NLGN1: variants seen among roughly 807,000 people sequenced by gnomAD.
NLGN1 encodes neuroligin-1.
In NLGN1, 12 loss-of-function variants were observed where a neutral mutation model predicts 65.5. That is an observed-to-expected ratio of 0.18 (90% CI 0.12 to 0.30). The LOEUF is 0.30. Ranked by LOEUF, NLGN1 falls within the 10% of genes least tolerant of loss-of-function variation. The pLI, the probability that NLGN1 is intolerant of heterozygous loss-of-function variation, is 1.00. For missense variants in NLGN1, 750 were observed against 1,007.1 expected, an observed-to-expected ratio of 0.74 and a Z score of 3.46; for synonymous variants, 350 against 359.5, an observed-to-expected ratio of 0.97 and a Z score of 0.30.
chr3:173,778,596 G>T (rs1780670670), intron 3 of NLGN1, among the ~76,000 whole-genome samples: 1 of 151,616 alleles, frequency 6.6e-6, no homozygotes, highest in South Asian at 2.1e-4. Context: ...TTGTTTTTCT[G>T]CTTTAAAATT....
At chr3:173,616,634 C>T (rs918212335) in intron 3 of NLGN1, among the ~76,000 whole-genome samples, 1 of 152,128 alleles carries the variant, frequency 6.6e-6, no homozygotes, top group South Asian at 2.1e-4. Context: ...TTACTCCCGA[C>T]ATTCAGGACA....
intron 4 of NLGN1, among the ~76,000 whole-genome samples, chr3:174,212,610 C>T (rs1477268375): frequency 6.6e-6 from 1 of 152,238 alleles, no homozygotes; most frequent in Non-Finnish European, 1.5e-5. Flanking sequence ...CCTAAGGATG[C>T]ATCTCTCAGA....
At chr3:174,262,044 A>G (rs1577662399) in intron 4 of NLGN1, among the ~76,000 whole-genome samples, 2 of 131,816 alleles carry the variant, frequency 1.5e-5, no homozygotes, top group Admixed American at 7.6e-5. Flanking sequence ...CCACTTGATC[A>G]TGGTGGATAA....
intron 4 of NLGN1, among the ~76,000 whole-genome samples, chr3:174,010,680 AAAAACTTGAATTGGTG>A (rs1470900655): frequency 6.6e-6 from 1 of 152,204 alleles, no homozygotes; most frequent in Non-Finnish European, 1.5e-5. Flanking sequence ...ATGATGAATG[AAAAACTTGAATTGGTG>A]AATTAAAGTT....
chr3:174,123,930 G>A (rs1179168536), intron 4 of NLGN1, among the ~76,000 whole-genome samples: 2 of 152,064 alleles, frequency 1.3e-5, no homozygotes, highest in Non-Finnish European at 2.9e-5. Flanking sequence ...GGTCTGAATT[G>A]TGTTCTCTCA....
chr3:174,206,801 T>C (rs1553962793), intron 4 of NLGN1, among the ~76,000 whole-genome samples: 3 of 152,152 alleles, frequency 2.0e-5, no homozygotes, highest in Non-Finnish European at 4.4e-5. Flanking sequence ...GTGAAACTGA[T>C]AGACTCTTGG....
At chr3:173,807,543 A>C (rs1716929680) in intron 3 of NLGN1, 137 bp from the exon 4 acceptor site, 6 of 905,220 alleles carry the variant, frequency 6.6e-6, no homozygotes, top group Admixed American at 2.8e-5. Context: ...TTGCTTAAGA[A>C]ACACTTTAAT....
chr3:173,671,355 G>T (rs4426701), intron 3 of NLGN1, among the ~76,000 whole-genome samples: 17,341 of 152,076 alleles, frequency 0.11, 1,028 homozygotes, highest in Middle Eastern at 0.28. Context: ...TAAAAAATTA[G>T]TCTGTAGTCC....
At chr3:173,562,181 T>G (rs1484318364) in intron 2 of NLGN1, among the ~76,000 whole-genome samples, 1 of 152,046 alleles carries the variant, frequency 6.6e-6, no homozygotes, top group Non-Finnish European at 1.5e-5. Context: ...TAGAAGAGAG[T>G]AGCTTGAGCT....
chr3:173,443,332 T>TGC (rs1719567421), intron 2 of NLGN1, among the ~76,000 whole-genome samples: 1 of 142,968 alleles, frequency 7.0e-6, no homozygotes, highest in Non-Finnish European at 1.5e-5. Flanking sequence ...TATATATATA[T>TGC]ACACTATGAC....
intron 4 of NLGN1, among the ~76,000 whole-genome samples, chr3:174,132,537 T>C (rs1049369126): frequency 3.3e-5 from 5 of 152,148 alleles, no homozygotes; most frequent in African/African-American, 1.2e-4. Flanking sequence ...TTTCAGTCTG[T>C]TTATAACCTC....
intron 2 of NLGN1, among the ~76,000 whole-genome samples, chr3:173,514,344 A>G (rs1249796099): frequency 6.6e-6 from 1 of 152,114 alleles, no homozygotes; most frequent in Admixed American, 6.5e-5. Flanking sequence ...CAAGCAGTTT[A>G]CACTGTACCA....
At chr3:174,174,817 G>A (rs954133037) in intron 4 of NLGN1, among the ~76,000 whole-genome samples, 1 of 151,812 alleles carries the variant, frequency 6.6e-6, no homozygotes, top group African/African-American at 2.4e-5. Flanking sequence ...GGCTTTTGCT[G>A]TGTCCCACAG....
At chr3:174,140,704 G>T (rs1722124399) in intron 4 of NLGN1, among the ~76,000 whole-genome samples, 1 of 152,056 alleles carries the variant, frequency 6.6e-6, no homozygotes, top group Non-Finnish European at 1.5e-5. Flanking sequence ...GCTCTTGGTT[G>T]ACAATATCCT....
chr3:173,915,432 G>A (rs754736893), intron 4 of NLGN1, among the ~76,000 whole-genome samples: 1 of 152,200 alleles, frequency 6.6e-6, no homozygotes, highest in Non-Finnish European at 1.5e-5. Context: ...TCAGTAGACT[G>A]AAGTCTATAT....
chr3:174,033,048 A>G (rs1465176933), intron 4 of NLGN1, among the ~76,000 whole-genome samples: 1 of 152,046 alleles, frequency 6.6e-6, no homozygotes, highest in Non-Finnish European at 1.5e-5. Context: ...CTAGAGAATC[A>G]CTAGTGAAGG....
Position 174,054,585 on chromosome 3 carries a change from G to A in NLGN1, c.647-220730G>A, listed in dbSNP as rs151078424. Among the ~76,000 whole-genome samples the A allele has an allele frequency of 2.5e-3, 373 of 152,050 alleles. 3 individuals are homozygous for A. The highest frequency in any genetic ancestry group is 4.0e-3 in the Non-Finnish European group (269 of 67,926). On this transcript the variant is annotated intron_variant, in intron 4 of 6. Transcript: ENST00000457714. ...TGCTTTTCAAATTGTGTGGAAGAAT[G>A]ATTTGCTTTTGTTTGTTTGAATATT...
At chr3:174,105,022 C>T (rs767706289) in intron 4 of NLGN1, among the ~76,000 whole-genome samples, 1 of 151,840 alleles carries the variant, frequency 6.6e-6, no homozygotes, top group Non-Finnish European at 1.5e-5. Context: ...TAACTAGCAG[C>T]AAACATGGAA....
intron 4 of NLGN1, among the ~76,000 whole-genome samples, chr3:173,815,103 G>GCCTTCCTTCATT (rs1316411100): frequency 3.3e-4 from 41 of 125,538 alleles, no homozygotes; most frequent in African/African-American, 1.2e-3. Flanking sequence ...CTTCCTTCCT[G>GCCTTCCTTCATT]CCTTCCTTCA....
Sources: allele counts gnomAD v4.1 joint callset (sites outside exome capture counted in the v4.1 genomes callset), GRCh38; gene constraint gnomAD v4.1.1; transcripts MANE v1.5; gene names NCBI Gene and HGNC (gene_info 2026-07-23, HGNC 2026-07-21).